TPO: variants seen among roughly 807,000 people sequenced by gnomAD.
TPO encodes thyroid peroxidase.
Under a neutral mutation model 96.9 loss-of-function variants are expected in TPO, and 78 were observed. The ratio of observed to expected loss-of-function variants is 0.81; its 90% CI spans 0.67 to 0.97. The LOEUF is 0.97. Among genes scored for constraint, TPO ranks in the 50% least tolerant of loss-of-function variants. The pLI is 0.00. For synonymous variants in TPO, 547 were observed against 538.0 expected (o/e 1.02, Z -0.23); for missense variants, 1,252 against 1,274.8 (o/e 0.98, Z 0.27).
At position 1,477,360 on chromosome 2, in the gene TPO, C is replaced by G; in HGVS notation, c.1094C>G (p.Pro365Arg). The G allele has an allele frequency of 6.5e-7, 1 of 1,541,824 alleles. No individual in the cohort carries two copies. Among genetic ancestry groups the G allele is most frequent in the Non-Finnish European group, 8.8e-7 (1 of 1,141,398 alleles). The change falls in exon 8 of 17, where the codon CCC (proline) becomes CGC (arginine). Residue 365 changes from proline to arginine, a missense_variant. Physicochemically the swap from Pro to Arg is moderately radical, Grantham distance 103. Coordinates refer to ENST00000329066, the MANE Select transcript of TPO (RefSeq NM_001206744.2). ...RLRDSGRAYL[P>R]FVPPRAPAAC... ...CGGGACTCCGGCCGCGCCTACCTGC[C>G]CTTCGTGCCGCCACGCGCGCCTGCG...
At chr2:1,510,513 G>A (rs561341432) in intron 14 of TPO, among the ~76,000 whole-genome samples, 1 of 152,302 alleles carries the variant, frequency 6.6e-6, no homozygotes, top group African/African-American at 2.4e-5. Context: ...CCCACAGAAA[G>A]AAGGAGAAAG....
intron 14 of TPO, among the ~76,000 whole-genome samples, chr2:1,505,655 G>A (rs1210377274): frequency 6.6e-6 from 1 of 151,858 alleles, no homozygotes; most frequent in Non-Finnish European, 1.5e-5. Flanking sequence ...TGAAGAACAT[G>A]CAGGTTTGTT....
At chr2:1,431,126 G>A (rs1664937789) in intron 3 of TPO, among the ~76,000 whole-genome samples, 1 of 152,108 alleles carries the variant, frequency 6.6e-6, no homozygotes, top group Non-Finnish European at 1.5e-5. Context: ...GGATGTTGGA[G>A]GTGAGGCCTG....
intron 1 of TPO, among the ~76,000 whole-genome samples, chr2:1,402,362 G>A (rs913491614): frequency 1.3e-5 from 2 of 152,162 alleles, no homozygotes; most frequent in Non-Finnish European, 2.9e-5. Context: ...TGGCCCCGTG[G>A]AATCTCCAGA....
chr2:1,527,180 C>T (rs1435753788), intron 15 of TPO, among the ~76,000 whole-genome samples: 17 of 142,416 alleles, frequency 1.2e-4, no homozygotes, highest in African/African-American at 4.3e-4. Context: ...CCTATCCCTC[C>T]CACTGTGTGC....
At chr2:1,414,946 A>G (rs1000700334) in intron 2 of TPO, among the ~76,000 whole-genome samples, 1 of 152,286 alleles carries the variant, frequency 6.6e-6, no homozygotes, top group South Asian at 2.1e-4. Flanking sequence ...TAAAATAAAT[A>G]AAGTTCCAAA....
At chr2:1,485,791 G>C (rs1412080963) in intron 9 of TPO, among the ~76,000 whole-genome samples, 1 of 152,132 alleles carries the variant, frequency 6.6e-6, no homozygotes, top group East Asian at 1.9e-4. Context: ...ATTTTTTGTA[G>C]ATTCTGGATA....
At chr2:1,472,899 A>T (rs1044504430) in intron 7 of TPO, among the ~76,000 whole-genome samples, 1 of 145,526 alleles carries the variant, frequency 6.9e-6, no homozygotes, top group Admixed American at 7.1e-5. Flanking sequence ...TTCCCTGAAT[A>T]TTAGTGAATT....
At chr2:1,393,683 A>G (rs1473916338) in intron 1 of TPO, among the ~76,000 whole-genome samples, 1 of 152,246 alleles carries the variant, frequency 6.6e-6, no homozygotes, top group African/African-American at 2.4e-5. Context: ...AACAGAATAG[A>G]TATACAGGAA....
rs201781919 is a variant in TPO, at chr2:1,477,348, G to T, written c.1082G>T (p.Arg361Leu). 1.9e-4 allele frequency: 296 copies of T among 1,547,866 alleles called. 3 individuals are homozygous for T. The East Asian group carries it at 6.1e-3, about 32-fold the overall frequency. The stretch of plus-strand genomic sequence containing the variant: ...CACGCGCGCCTCCGGGACTCCGGCC[G>T]CGCCTACCTGCCCTTCGTGCCGCCA... ...RVHARLRDSG[R>L]AYLPFVPPRA... The change falls in exon 8 of 17, where the codon CGC becomes CTC. Residue 361 changes from arginine to leucine, a missense_variant. By Grantham distance (102) the Arg-to-Leu change is moderately radical. Transcript: ENST00000329066.
chr2:1,529,868 C>T (rs1206818721), intron 15 of TPO, among the ~76,000 whole-genome samples: 3 of 123,584 alleles, frequency 2.4e-5, no homozygotes, highest in Non-Finnish European at 3.4e-5. Flanking sequence ...AAATTGCCCC[C>T]ACTGTGTGCA....
chr2:1,424,327 A>T (rs188334922), intron 3 of TPO, among the ~76,000 whole-genome samples: 188 of 152,158 alleles, frequency 1.2e-3, no homozygotes, highest in African/African-American at 4.5e-3. Context: ...CTTCACAGAG[A>T]AGAGATGGTG....
chr2:1,414,601 G>T (rs940118795), intron 2 of TPO, 99 bp downstream of exon 2: 33 of 1,098,112 alleles, frequency 3.0e-5, no homozygotes, highest in Non-Finnish European at 4.4e-5. Context: ...AGTCACTTTA[G>T]GCCCCTGTAG....
At chr2:1,392,581 A>G (rs1662019333) in intron 1 of TPO, among the ~76,000 whole-genome samples, 2 of 152,202 alleles carry the variant, frequency 1.3e-5, no homozygotes, top group Admixed American at 1.3e-4. Flanking sequence ...AAGGAATGGT[A>G]CCAGTTCCTC....
At chr2:1,518,827 A>G (rs1436475381) in intron 15 of TPO, among the ~76,000 whole-genome samples, 1 of 152,168 alleles carries the variant, frequency 6.6e-6, no homozygotes, top group Non-Finnish European at 1.5e-5. Flanking sequence ...CATGGCTTGA[A>G]CTGTGCATTG....
chr2:1,414,347 G>A (rs1662662869), intron 1 of TPO, 61 bp from the exon 2 acceptor site: 3 of 1,511,168 alleles, frequency 2.0e-6, no homozygotes, highest in Admixed American at 1.8e-5. Flanking sequence ...CAAGGACACA[G>A]CGGTTCCCAT....
intron 15 of TPO, among the ~76,000 whole-genome samples, chr2:1,530,242 A>G (rs1178095877): frequency 1.5e-4 from 7 of 46,880 alleles, no homozygotes; most frequent in African/African-American, 8.8e-4. Flanking sequence ...CACTGTGTGC[A>G]CCCCCCAAAA....
intron 1 of TPO, among the ~76,000 whole-genome samples, chr2:1,402,851 C>T (rs1178998514): frequency 6.6e-6 from 1 of 152,108 alleles, no homozygotes; most frequent in African/African-American, 2.4e-5. Flanking sequence ...ACCATATCAC[C>T]CCATATTTTG....
At position 1,433,606 on chromosome 2, in the gene TPO, G is replaced by A. The variant is rs374499898; in HGVS notation, c.348G>A (p.Thr116=). ...NLKTQQSQHP[T]DALSEDLLSI... ...AAACTCAACAATCACAGCATCCAACGGGTAATGTGTGCCCCTCTCCCCACT... is the reference window on the plus strand; with the variant it reads ...AAACTCAACAATCACAGCATCCAACAGGTAATGTGTGCCCCTCTCCCCACT... The change falls in exon 4 of 17, where the codon ACG becomes ACA. Residue 116 remains threonine, a splice_region_variant and synonymous_variant. Transcript: ENST00000329066. The A allele has an allele frequency of 6.3e-5, 101 of 1,613,444 alleles. No individual in the cohort carries two copies. In the Middle Eastern group the frequency reaches 1.3e-3, roughly 21 times the overall value.
Sources: allele counts gnomAD v4.1 joint callset (sites outside exome capture counted in the v4.1 genomes callset), GRCh38; gene constraint gnomAD v4.1.1; transcripts MANE v1.5; gene names NCBI Gene and HGNC (gene_info 2026-07-23, HGNC 2026-07-21).